Variants in ARID1B observed in about 807,000 individuals in gnomAD.
ARID1B encodes AT-rich interaction domain 1B, also known as AT-rich interactive domain-containing protein 1B.
A neutral mutation model predicts 212.3 loss-of-function variants in ARID1B; 30 were observed. The observed-to-expected ratio is 0.14, with a 90% CI of 0.11 to 0.19. ARID1B has a LOEUF of 0.19. ARID1B is among the 10% of genes least tolerant of loss of function. The pLI, the probability that ARID1B is intolerant of heterozygous loss-of-function variation, is 1.00. For synonymous variants in ARID1B, 1,402 were observed against 1,301.7 expected, an observed-to-expected ratio of 1.08 and a Z score of -1.66; for missense variants, 2,891 against 3,204.0, an observed-to-expected ratio of 0.90 and a Z score of 2.36.
At chr6:157,025,976 G>C (rs943180610) in intron 4 of ARID1B, among the ~76,000 whole-genome samples, 1 of 151,344 alleles carries the variant, frequency 6.6e-6, no homozygotes, top group Non-Finnish European at 1.5e-5. Flanking sequence ...CCAGGTTGGC[G>C]TGCAGTGGCA....
At chr6:156,837,376 A>T in intron 2 of ARID1B, among the ~76,000 whole-genome samples, 1 of 152,246 alleles carries the variant, frequency 6.6e-6, no homozygotes, top group African/African-American at 2.4e-5. Context: ...ATATTGAACA[A>T]CATTGGGACA....
At chr6:156,823,693 T>TG (rs1782548228) in intron 1 of ARID1B, among the ~76,000 whole-genome samples, 1 of 150,760 alleles carries the variant, frequency 6.6e-6, no homozygotes, top group African/African-American at 2.4e-5. Flanking sequence ...TTGTTGTTTT[T>TG]TTTTTTTTTT....
At chr6:157,063,201 G>A (rs1005134834) in intron 4 of ARID1B, among the ~76,000 whole-genome samples, 2 of 151,900 alleles carry the variant, frequency 1.3e-5, no homozygotes, top group African/African-American at 4.8e-5. Flanking sequence ...TCCAGGACAG[G>A]TGAATGAGCC....
At chr6:156,973,674 C>G (rs796320948) in intron 4 of ARID1B, among the ~76,000 whole-genome samples, 18 of 152,322 alleles carry the variant, frequency 1.2e-4, no homozygotes, top group African/African-American at 4.3e-4. Flanking sequence ...ATCCTTCCTG[C>G]TCTCAGGAGA....
intron 2 of ARID1B, among the ~76,000 whole-genome samples, chr6:156,898,216 A>G (rs1317785388): frequency 6.6e-6 from 1 of 152,194 alleles, no homozygotes. Context: ...CCGTCTGGTT[A>G]TATGAGTTAT....
intron 1 of ARID1B, among the ~76,000 whole-genome samples, chr6:156,785,461 C>T (rs1236992944): frequency 7.9e-5 from 12 of 152,140 alleles, no homozygotes; most frequent in Admixed American, 7.9e-4. Context: ...CAGAAGAAAT[C>T]CTGGACCATA....
At position 156,955,908 on chromosome 6, in the gene ARID1B, T is replaced by C. The variant is rs912102668; in HGVS notation, c.2247+20332T>C. 6.6e-6 allele frequency among the ~76,000 whole-genome samples: 1 copy of C among 152,180 alleles called. No individual in the cohort carries two copies. The highest frequency in any genetic ancestry group is 1.5e-5 in the Non-Finnish European group (1 of 68,040). ...GAAGGTTACTGGAGGCCGCTGGTGG[T>C]GGAAGCCGCGCCTGTTCTATTTCCT... is the stretch of plus-strand genomic sequence containing the variant. On this transcript the variant is annotated intron_variant, in intron 4 of 19. Transcript: ENST00000636930. This position sits in a 1 kb window ranked among gnomAD's most constrained non-coding sequence, Gnocchi z 4.2.
At position 156,778,653 on chromosome 6, in the gene ARID1B, G is replaced by T. The variant is rs1294837845; in HGVS notation, c.973G>T (p.Gly325Cys). The change falls in exon 1 of 20, where the codon GGC becomes TGC. Residue 325 changes from glycine (G) to cysteine (C), a missense_variant. Around this residue, in one of 7 missense-constraint regions of ARID1B, gnomAD observed 1,643 missense variants for 1,544.0 expected, o/e 1.06. Transcript: ENST00000636930. ...NYYGSAAPAS[G>C]GPGGRAGPCF... ...CTATGGCAGCGCTGCCCCTGCGAGC[G>T]GCGGCCCCGGCGGCCGCGCTGGGCC... 7 of 1,480,318 alleles carry T rather than the reference G, an allele frequency of 4.7e-6. No individual in the cohort carries two copies. Among genetic ancestry groups the T allele is most frequent in the Non-Finnish European group, 6.3e-6 (7 of 1,112,750 alleles). The allele number at this position is 1,480,318 out of a possible 1,614,324, so 91.7% of individuals were successfully genotyped here. A position where few individuals can be genotyped will look rare whatever the true frequency, so the allele number is the denominator to read the frequency against.
At position 157,063,148 on chromosome 6, in the gene ARID1B, G is replaced by T. The variant is rs552116681; in HGVS notation, c.2248-21514G>T. Among the ~76,000 whole-genome samples, 11 of 148,700 alleles carry T rather than the reference G, an allele frequency of 7.4e-5. No homozygotes were observed. In the South Asian group the frequency reaches 2.3e-3, roughly 32 times the overall value. Reference sequence around the variant, plus strand: ...TTTTTTTTTTCTTTTAAACATTTTTGAATCTTAGATTACTATCAAGTTCCA... The same window carrying T: ...TTTTTTTTTTCTTTTAAACATTTTTTAATCTTAGATTACTATCAAGTTCCA... On this transcript the variant is annotated intron_variant, in intron 4 of 19. Coordinates refer to ENST00000636930, the MANE Select transcript of ARID1B (RefSeq NM_001374828.1).
At chr6:157,058,558 C>T (rs1783124612) in intron 4 of ARID1B, among the ~76,000 whole-genome samples, 1 of 152,242 alleles carries the variant, frequency 6.6e-6, no homozygotes, top group South Asian at 2.1e-4. Context: ...AGCCACCGCG[C>T]CCAGCCCTAC....
intron 4 of ARID1B, among the ~76,000 whole-genome samples, chr6:156,966,074 A>G (rs1018114808): frequency 6.6e-6 from 1 of 152,134 alleles, no homozygotes; most frequent in African/African-American, 2.4e-5. Flanking sequence ...TGTTTTGCCT[A>G]TTTTCTTTTC....
intron 2 of ARID1B, among the ~76,000 whole-genome samples, chr6:156,874,793 A>G (rs1266171852): frequency 2.0e-5 from 3 of 152,078 alleles, no homozygotes. Flanking sequence ...ACTCCATTCC[A>G]TTCTCCTTCG....
At chr6:157,058,672 C>G (rs1783130842) in intron 4 of ARID1B, among the ~76,000 whole-genome samples, 1 of 152,198 alleles carries the variant, frequency 6.6e-6, no homozygotes, top group African/African-American at 2.4e-5. Flanking sequence ...ATGTGATCCG[C>G]GGGAGGCAGC....
intron 2 of ARID1B, among the ~76,000 whole-genome samples, chr6:156,881,182 G>C (rs1787060139): frequency 6.6e-6 from 1 of 152,188 alleles, no homozygotes; most frequent in Non-Finnish European, 1.5e-5. Context: ...GCCTCTCTGG[G>C]AGCCACTCTT....
intron 2 of ARID1B, chr6:156,871,730 T>A: frequency 6.6e-7 from 1 of 1,522,812 alleles, no homozygotes; most frequent in Non-Finnish European, 9.0e-7. Flanking sequence ...CTGGCACATC[T>A]GTGTTGTTCC....
At chr6:157,186,424 C>T (rs1436773869) in intron 13 of ARID1B, 1 of 471,064 alleles carries the variant, frequency 2.1e-6, no homozygotes, top group African/African-American at 2.0e-5. Flanking sequence ...TCTCGTCCAG[C>T]CCCGAGAGCG....
At chr6:156,915,036 A>G (rs1025277878) in intron 3 of ARID1B, among the ~76,000 whole-genome samples, 2 of 152,190 alleles carry the variant, frequency 1.3e-5, no homozygotes, top group African/African-American at 2.4e-5. Flanking sequence ...CATGGTGAAA[A>G]TTGTTGATTT....
At chr6:156,848,411 G>A (rs1784366148) in intron 2 of ARID1B, among the ~76,000 whole-genome samples, 1 of 152,202 alleles carries the variant, frequency 6.6e-6, no homozygotes, top group South Asian at 2.1e-4. Context: ...CCAGTGTTTG[G>A]TGTTCACATT....
chr6:156,779,401 C>T lies in ARID1B; in HGVS notation c.1721C>T (p.Ala574Val), dbSNP rs1398810358. 3 of 1,438,476 alleles carry T rather than the reference C, an allele frequency of 2.1e-6. No individual in the cohort carries two copies. The highest frequency in any genetic ancestry group is 3.0e-5 in the East Asian group (1 of 33,282). The allele number at this position is 1,438,476 out of a possible 1,614,324, so 89.1% of individuals were successfully genotyped here. ...AQYAAASPAW[A>V]AAQQRSHPAM... ...TACGCCGCTGCCAGCCCGGCCTGGG[C>T]GGCCGCGCAACAAAGGAGTCACCCG... The change falls in exon 1 of 20, where the codon GCG (alanine) becomes GTG (valine). Residue 574 changes from alanine (A) to valine (V), a missense_variant. This residue lies in a region of ARID1B where 1,643 missense variants were observed against 1,544.0 expected (regional missense o/e 1.06). Coordinates refer to ENST00000636930, the MANE Select transcript of ARID1B (RefSeq NM_001374828.1).
Sources: allele counts gnomAD v4.1 joint callset (sites outside exome capture counted in the v4.1 genomes callset), GRCh38; gene constraint gnomAD v4.1.1; regional missense constraint gnomAD v4.1.1; non-coding constraint Gnocchi (gnomAD v3.1); transcripts MANE v1.5; gene names NCBI Gene and HGNC (gene_info 2026-07-23, HGNC 2026-07-21).